The following REC114 variants were observed in gnomAD, a reference collection of about 807,000 sequenced individuals.
REC114 encodes meiotic recombination protein REC114.
In REC114, 27 loss-of-function variants were observed where a neutral mutation model predicts 31.3. The observed-to-expected ratio is 0.86, with a 90% CI of 0.64 to 1.19. The LOEUF (loss-of-function observed/expected upper bound fraction) is 1.19, where lower values mean the gene tolerates loss of function less well. Ranked by LOEUF, REC114 falls within the 50% of genes most tolerant of loss-of-function variation. The pLI, the probability that REC114 is intolerant of heterozygous loss-of-function variation, is 0.00. For missense variants in REC114, 344 were observed against 326.9 expected (o/e 1.05, Z -0.40); for synonymous variants, 134 against 127.7 (o/e 1.05, Z -0.33).
At chr15:73,518,961 C>A (rs76040382) in intron 2 of REC114, among the ~76,000 whole-genome samples, 3,298 of 152,136 alleles carry the variant, frequency 0.022, 29 homozygotes, top group East Asian at 0.027. Flanking sequence ...CACATTGAGG[C>A]CAAAACAAGC....
chr15:73,485,146 C>G (rs1333889974), intron 2 of REC114, among the ~76,000 whole-genome samples: 1 of 152,154 alleles, frequency 6.6e-6, no homozygotes, highest in South Asian at 2.1e-4. Flanking sequence ...TGCAGTGGCA[C>G]GATCCCTGCT....
intron 1 of REC114, among the ~76,000 whole-genome samples, chr15:73,471,474 G>T (rs1384785990): frequency 6.6e-6 from 1 of 152,164 alleles, no homozygotes; most frequent in African/African-American, 2.4e-5. Flanking sequence ...CACAGGGTAG[G>T]TACTTTGTAA....
chr15:73,559,637 AT>A, intron 5 of REC114, 114 bp from the exon 6 acceptor site: 6 of 910,104 alleles, frequency 6.6e-6, no homozygotes, highest in Non-Finnish European at 7.9e-6. Flanking sequence ...ATTAACACTA[AT>A]TTTTTTGGTG....
intron 1 of REC114, among the ~76,000 whole-genome samples, chr15:73,455,636 A>G (rs1402632107): frequency 2.0e-5 from 3 of 152,232 alleles, no homozygotes; most frequent in Admixed American, 6.5e-5. Context: ...ATAGAATAAT[A>G]TGCTTCATTA....
chr15:73,510,829 G>T (rs1893753621), intron 2 of REC114, among the ~76,000 whole-genome samples: 1 of 151,256 alleles, frequency 6.6e-6, no homozygotes, highest in South Asian at 2.1e-4. Flanking sequence ...TTGATGTGCT[G>T]CTGGATTCGT....
At chr15:73,514,929 A>ATT (rs34985483) in intron 2 of REC114, among the ~76,000 whole-genome samples, 16 of 132,674 alleles carry the variant, frequency 1.2e-4, no homozygotes, top group South Asian at 7.4e-4. Flanking sequence ...TAACACTCTG[A>ATT]TTTTTTTTTT....
intron 5 of REC114, among the ~76,000 whole-genome samples, chr15:73,557,556 C>G (rs12324832): frequency 0.14 from 20,601 of 151,998 alleles, 2,137 homozygotes; most frequent in African/African-American, 0.29. Flanking sequence ...TAATAAACCC[C>G]TAACTATGAA....
chr15:73,559,811 A>G lies in REC114; in HGVS notation c.696A>G (p.Glu232=). 1 of 1,612,742 alleles carries G rather than the reference A, an allele frequency of 6.2e-7. No individual in the cohort carries two copies. Among genetic ancestry groups the G allele is most frequent in the South Asian group, 1.1e-5 (1 of 90,868 alleles). ...HVYEQSAWGA[E]ELGPFLRLCL... Reference sequence around the variant, plus strand: ...ATGAACAATCTGCATGGGGTGCAGAAGAGTTAGGCCCCTTCCTACGTTTGT... The same window carrying G: ...ATGAACAATCTGCATGGGGTGCAGAGGAGTTAGGCCCCTTCCTACGTTTGT... Residue 232 remains glutamate, a synonymous_variant, in exon 6 of 6, where the codon GAA becomes GAG. Coordinates refer to ENST00000331090, the MANE Select transcript of REC114 (RefSeq NM_001042367.2).
rs536808926 is a variant in REC114, at chr15:73,487,549, A to C, written c.249+13628A>C. On this transcript the variant is annotated intron_variant, in intron 2 of 5. Coordinates refer to ENST00000331090, the MANE Select transcript of REC114 (RefSeq NM_001042367.2). Reference sequence around the variant, plus strand: ...AAAGCAAACATTAAGTCTTGAGAGTAATCTTCTTTGACTTCATATCCTACT... The same window carrying C: ...AAAGCAAACATTAAGTCTTGAGAGTCATCTTCTTTGACTTCATATCCTACT... Among the ~76,000 whole-genome samples the C allele has an allele frequency of 2.0e-5, 3 of 152,366 alleles. No homozygotes were observed. The South Asian group carries it at 6.2e-4, about 32-fold the overall frequency.
chr15:73,519,849 G>A (rs1210168554), intron 2 of REC114, among the ~76,000 whole-genome samples: 1 of 152,180 alleles, frequency 6.6e-6, no homozygotes, highest in African/African-American at 2.4e-5. Flanking sequence ...AGGACATTAC[G>A]CTAAGTGAAA....
chr15:73,491,251 C>CTTAATTTTTTGTATTATCTTTGTGTATT (rs1893439616), intron 2 of REC114, among the ~76,000 whole-genome samples: 1 of 151,952 alleles, frequency 6.6e-6, no homozygotes, highest in African/African-American at 2.4e-5. Context: ...TGTGTATTAT[C>CTTAATTTTTTGTATTATCTTTGTGTATT]TTAATTTTTT....
At chr15:73,466,830 A>G (rs1893067939) in intron 1 of REC114, among the ~76,000 whole-genome samples, 1 of 152,242 alleles carries the variant, frequency 6.6e-6, no homozygotes, top group East Asian at 1.9e-4. Flanking sequence ...AAGGTCCCAT[A>G]AAAATGACAG....
chr15:73,547,692 A>G (rs1381844340), intron 3 of REC114, among the ~76,000 whole-genome samples: 4 of 152,246 alleles, frequency 2.6e-5, no homozygotes, highest in African/African-American at 9.6e-5. Flanking sequence ...ACTTATACAC[A>G]ATGGAGTACT....
chr15:73,445,802 C>A (rs573110141), intron 1 of REC114, among the ~76,000 whole-genome samples: 1 of 152,120 alleles, frequency 6.6e-6, no homozygotes, highest in Non-Finnish European at 1.5e-5. Context: ...AGAACAATTA[C>A]AATAGTAACA....
chr15:73,550,332 C>T (rs1027271835), intron 3 of REC114, among the ~76,000 whole-genome samples: 7 of 151,986 alleles, frequency 4.6e-5, no homozygotes, highest in African/African-American at 1.7e-4. Flanking sequence ...GCTAATTTGC[C>T]AAGGGATGTG....
In REC114 at chr15:73,559,819, G is replaced by A; in HGVS notation, c.704G>A (p.Gly235Asp). The change falls in exon 6 of 6, where the codon GGC becomes GAC. Residue 235 changes from glycine to aspartate, a missense_variant. Transcript: ENST00000331090. Reference sequence around the variant, plus strand: ...TCTGCATGGGGTGCAGAAGAGTTAGGCCCCTTCCTACGTTTGTGCCTTATG... The same window carrying A: ...TCTGCATGGGGTGCAGAAGAGTTAGACCCCTTCCTACGTTTGTGCCTTATG... ...EQSAWGAEEL[G>D]PFLRLCLMDQ... The A allele has an allele frequency of 1.9e-6, 3 of 1,612,742 alleles. No homozygotes were observed. The highest frequency in any genetic ancestry group is 2.5e-6 in the Non-Finnish European group (3 of 1,179,380).
chr15:73,453,960 G>T (rs1208762918), intron 1 of REC114, among the ~76,000 whole-genome samples: 2 of 134,606 alleles, frequency 1.5e-5, no homozygotes, highest in African/African-American at 5.6e-5. Flanking sequence ...ACACACCGGG[G>T]TCTGTAGGGG....
At chr15:73,444,275 T>G (rs1316762232) in intron 1 of REC114, among the ~76,000 whole-genome samples, 1 of 152,240 alleles carries the variant, frequency 6.6e-6, no homozygotes, top group Non-Finnish European at 1.5e-5. Context: ...AAGATTGCTC[T>G]GTAGCATGCA....
intron 2 of REC114, among the ~76,000 whole-genome samples, chr15:73,524,658 T>C (rs1246703627): frequency 6.6e-6 from 1 of 152,138 alleles, no homozygotes; most frequent in Admixed American, 6.6e-5. Context: ...AGTGCAGTAG[T>C]GTGATCTTGG....
Sources: gnomAD v4.1 joint callset for allele counts (sites outside exome capture counted in the v4.1 genomes callset) on GRCh38, gnomAD v4.1.1 for gene constraint, MANE v1.5 for transcripts, NCBI Gene and HGNC (gene_info 2026-07-23, HGNC 2026-07-21) for gene names.